Variants in UBAC2 observed in about 807,000 individuals in gnomAD.
UBAC2 encodes ubiquitin-associated domain-containing protein 2.
UBAC2 carries 26 observed loss-of-function variants against 44.0 expected under a neutral mutation model. That is an observed-to-expected ratio of 0.59 (90% CI 0.43 to 0.82). UBAC2 has a LOEUF of 0.82. Ranked by LOEUF, UBAC2 falls within the 40% of genes least tolerant of loss-of-function variation. UBAC2 has a pLI of 0.00. For missense variants in UBAC2, 329 were observed against 419.4 expected (o/e 0.78, Z 1.88); for synonymous variants, 155 against 154.3 (o/e 1.00, Z -0.04).
intron 1 of UBAC2, among the ~76,000 whole-genome samples, chr13:99,226,354 T>G (rs561518677): frequency 1.3e-5 from 2 of 152,288 alleles, no homozygotes; most frequent in Non-Finnish European, 2.9e-5. Flanking sequence ...ACCCGGTTAG[T>G]CAGCATATCC....
intron 6 of UBAC2, among the ~76,000 whole-genome samples, chr13:99,334,617 C>A (rs911748666): frequency 3.3e-5 from 5 of 151,814 alleles, no homozygotes; most frequent in Non-Finnish European, 7.4e-5. Flanking sequence ...CATATTATAA[C>A]CTCTAGGGCA....
chr13:99,337,283 C>T (rs1038985516), intron 6 of UBAC2, among the ~76,000 whole-genome samples: 1 of 151,950 alleles, frequency 6.6e-6, no homozygotes, highest in African/African-American at 2.4e-5. Context: ...TCTTCCTATT[C>T]ATGGAACTGG....
At chr13:99,203,109 T>C (rs2042826161) in intron 1 of UBAC2, among the ~76,000 whole-genome samples, 1 of 151,998 alleles carries the variant, frequency 6.6e-6, no homozygotes, top group Non-Finnish European at 1.5e-5. Flanking sequence ...GGATCTCCGC[T>C]CACTGCAACC....
chr13:99,211,300 C>T (rs1002527319), intron 1 of UBAC2, among the ~76,000 whole-genome samples: 2 of 152,134 alleles, frequency 1.3e-5, no homozygotes, highest in African/African-American at 2.4e-5. Flanking sequence ...GATTTGACTC[C>T]GATTTGCCTG....
Position 99,244,532 on chromosome 13 carries a change from C to G in UBAC2, c.297C>G (p.Ser99=). The G allele has an allele frequency of 1.9e-6, 3 of 1,612,938 alleles. No individual in the cohort carries two copies. The highest frequency in any genetic ancestry group is 2.5e-6 in the Non-Finnish European group (3 of 1,179,338). The change falls in exon 4 of 9, where the codon TCC becomes TCG. Residue 99 remains serine (S), a synonymous_variant. Transcript: ENST00000403766. ...SRKFASFLLG[S]WVLSALFDFL... ...TTTTGTAGTCCTTTTTGCTGGGTTCCTGGGTTTTGTCAGCCTTATTTGACT... is the reference window on the plus strand; with the variant it reads ...TTTTGTAGTCCTTTTTGCTGGGTTCGTGGGTTTTGTCAGCCTTATTTGACT...
At chr13:99,220,993 C>T (rs996766498) in intron 1 of UBAC2, among the ~76,000 whole-genome samples, 1 of 151,748 alleles carries the variant, frequency 6.6e-6, no homozygotes, top group Non-Finnish European at 1.5e-5. Flanking sequence ...TATAATAATA[C>T]CACTAGAATA....
chr13:99,294,986 T>C, intron 4 of UBAC2: 1 of 1,479,956 alleles, frequency 6.8e-7, no homozygotes, highest in Non-Finnish European at 9.1e-7. Flanking sequence ...TGAACAATTA[T>C]TTTGCTTTAT....
chr13:99,335,984 TTCTCCACAAAA>T lies in UBAC2; in HGVS notation c.562-4334_562-4324del, dbSNP rs534817483. Among the ~76,000 whole-genome samples the T allele has an allele frequency of 2.0e-3, 302 of 151,324 alleles. 1 individual carries two copies. The highest frequency in any genetic ancestry group is 3.2e-3 in the Non-Finnish European group (219 of 67,878). ...TGCCTGGCAACATGGCAACACCTCATTCTCCACAAAATGGAAAAAAAAAAAAAAGAGATAAA... is the reference window on the plus strand; with the variant it reads ...TGCCTGGCAACATGGCAACACCTCATTGGAAAAAAAAAAAAAAGAGATAAA... On this transcript the variant is annotated intron_variant, in intron 6 of 8. Coordinates refer to ENST00000403766, the MANE Select transcript of UBAC2 (RefSeq NM_001144072.2).
intron 4 of UBAC2, among the ~76,000 whole-genome samples, chr13:99,298,845 C>A (rs950654303): frequency 1.3e-5 from 2 of 152,080 alleles, no homozygotes; most frequent in Non-Finnish European, 2.9e-5. Flanking sequence ...AAATTCCAGG[C>A]AAGGGTTGCA....
intron 1 of UBAC2, among the ~76,000 whole-genome samples, chr13:99,216,569 A>G (rs2042998200): frequency 6.6e-6 from 1 of 152,240 alleles, no homozygotes; most frequent in South Asian, 2.1e-4. Flanking sequence ...CTGGTGCTGT[A>G]GTGGTAATGC....
chr13:99,244,263 A>G (rs2043354227), intron 3 of UBAC2, among the ~76,000 whole-genome samples: 1 of 152,202 alleles, frequency 6.6e-6, no homozygotes, highest in Admixed American at 6.5e-5. Context: ...TGTTAAAAAT[A>G]TATCTTCAAC....
chr13:99,270,465 A>G (rs910532287), intron 4 of UBAC2, among the ~76,000 whole-genome samples: 2 of 152,190 alleles, frequency 1.3e-5, no homozygotes, highest in African/African-American at 4.8e-5. Flanking sequence ...TTCCTAAATA[A>G]TGCTCCTTAG....
intron 1 of UBAC2, among the ~76,000 whole-genome samples, chr13:99,230,861 C>G (rs1475505432): frequency 6.6e-6 from 1 of 152,084 alleles, no homozygotes; most frequent in Non-Finnish European, 1.5e-5. Context: ...CCAGCCTGGC[C>G]AATATGGTGA....
At chr13:99,236,975 TAA>T (rs35801009) in intron 1 of UBAC2, among the ~76,000 whole-genome samples, 18 of 149,028 alleles carry the variant, frequency 1.2e-4, no homozygotes, top group Non-Finnish European at 1.9e-4. Context: ...TGGAGGTTCT[TAA>T]AAAAAAAAAA....
chr13:99,232,421 TTCAC>T (rs2043186221), intron 1 of UBAC2, among the ~76,000 whole-genome samples: 5 of 139,836 alleles, frequency 3.6e-5, no homozygotes, highest in Non-Finnish European at 7.8e-5. Flanking sequence ...TATATATATA[TTCAC>T]ACACACATAC....
At chr13:99,344,135 A>C (rs776352819) in intron 7 of UBAC2, among the ~76,000 whole-genome samples, 1 of 152,144 alleles carries the variant, frequency 6.6e-6, no homozygotes, top group Non-Finnish European at 1.5e-5. Flanking sequence ...ATGTTATCTC[A>C]TTTATGCCCG....
At chr13:99,357,097 T>C (rs755228176) in intron 7 of UBAC2, among the ~76,000 whole-genome samples, 5 of 152,248 alleles carry the variant, frequency 3.3e-5, no homozygotes, top group Admixed American at 6.5e-5. Flanking sequence ...CATAAGATTA[T>C]GATGCCATAT....
At chr13:99,385,143 C>CA in intron 8 of UBAC2, 85 bp from the exon 9 acceptor site, 1 of 1,008,250 alleles carries the variant, frequency 9.9e-7, no homozygotes, top group Non-Finnish European at 1.6e-6. Flanking sequence ...ACCTTTGCCA[C>CA]AAGGCTCACA....
At chr13:99,303,516 T>C (rs2044286458) in intron 4 of UBAC2, among the ~76,000 whole-genome samples, 1 of 152,236 alleles carries the variant, frequency 6.6e-6, no homozygotes, top group South Asian at 2.1e-4. Context: ...ATGACATATG[T>C]TTAGAGAACT....
Sources: gnomAD v4.1 joint callset for allele counts (sites outside exome capture counted in the v4.1 genomes callset) on GRCh38, gnomAD v4.1.1 for gene constraint, MANE v1.5 for transcripts, NCBI Gene and HGNC (gene_info 2026-07-23, HGNC 2026-07-21) for gene names.